Variants in SLC39A11 observed in about 807,000 individuals in gnomAD.
SLC39A11 encodes solute carrier family 39 member 11.
A neutral mutation model predicts 36.1 loss-of-function variants in SLC39A11; 33 were observed. The ratio of observed to expected loss-of-function variants is 0.91; its 90% confidence interval spans 0.69 to 1.22. SLC39A11 has a LOEUF of 1.22. Among genes scored for constraint, SLC39A11 ranks in the 50% most tolerant of loss-of-function variants. The pLI is 0.00. For synonymous variants in SLC39A11, 166 were observed against 170.3 expected (o/e 0.97, Z 0.20); for missense variants, 432 against 430.3 (o/e 1.00, Z -0.03).
intron 5 of SLC39A11, among the ~76,000 whole-genome samples, chr17:72,893,303 A>G (rs915224546): frequency 6.6e-6 from 1 of 152,162 alleles, no homozygotes; most frequent in Non-Finnish European, 1.5e-5. Context: ...TCTGCTAAAA[A>G]TACAAAAATT....
intron 7 of SLC39A11, among the ~76,000 whole-genome samples, chr17:72,649,576 C>T (rs759644807): frequency 6.6e-6 from 1 of 152,176 alleles, no homozygotes; most frequent in Non-Finnish European, 1.5e-5. Flanking sequence ...AGTTCTGCCA[C>T]GTGGCTGTAT....
chr17:73,056,076 C>G (rs950659830), intron 3 of SLC39A11, among the ~76,000 whole-genome samples: 2 of 152,162 alleles, frequency 1.3e-5, no homozygotes, highest in Non-Finnish European at 2.9e-5. Flanking sequence ...CCCTGGAGGG[C>G]ACAGGAGAGG....
chr17:72,891,059 G>A (rs2081714295), intron 5 of SLC39A11, among the ~76,000 whole-genome samples: 1 of 129,014 alleles, frequency 7.8e-6, no homozygotes, highest in Non-Finnish European at 1.6e-5. Context: ...AAGCTTTGTT[G>A]AAAACATAAG....
At chr17:72,820,478 A>G (rs533765599) in intron 6 of SLC39A11, among the ~76,000 whole-genome samples, 8 of 151,238 alleles carry the variant, frequency 5.3e-5, no homozygotes, top group African/African-American at 1.9e-4. Context: ...GAGCACCCTC[A>G]CAACCTCCCT....
intron 3 of SLC39A11, among the ~76,000 whole-genome samples, chr17:73,046,450 C>T (rs990718694): frequency 2.0e-4 from 31 of 151,962 alleles, no homozygotes; most frequent in Admixed American, 6.6e-4. Flanking sequence ...GGATGTCCTA[C>T]GAAAAAGCCC....
At chr17:72,986,606 T>C (rs777152012) in intron 4 of SLC39A11, among the ~76,000 whole-genome samples, 4 of 152,306 alleles carry the variant, frequency 2.6e-5, no homozygotes, top group African/African-American at 4.8e-5. Context: ...CCTTGACAGC[T>C]TGGGAGACAC....
chr17:72,937,293 A>C (rs1268070173), intron 5 of SLC39A11, among the ~76,000 whole-genome samples: 3 of 152,058 alleles, frequency 2.0e-5, no homozygotes, highest in African/African-American at 7.2e-5. Context: ...ATCTACTAAA[A>C]AAAGTACAAA....
chr17:72,909,891 GC>G (rs2082887413), intron 5 of SLC39A11, among the ~76,000 whole-genome samples: 1 of 150,830 alleles, frequency 6.6e-6, no homozygotes, highest in Non-Finnish European at 1.5e-5. Flanking sequence ...GACTCCAGGC[GC>G]CCGCCATTAC....
chr17:72,954,807 C>T (rs1471925624), intron 4 of SLC39A11, among the ~76,000 whole-genome samples: 1 of 152,158 alleles, frequency 6.6e-6, no homozygotes, highest in Non-Finnish European at 1.5e-5. Context: ...GGCTGGCTCC[C>T]GGTGATGAGC....
chr17:72,870,064 T>A (rs2080528786), intron 5 of SLC39A11, among the ~76,000 whole-genome samples: 1 of 152,124 alleles, frequency 6.6e-6, no homozygotes, highest in Admixed American at 6.5e-5. Context: ...CCTGTAGATT[T>A]TTCTACATCT....
intron 1 of SLC39A11, among the ~76,000 whole-genome samples, chr17:73,089,508 A>C (rs1482085114): frequency 6.6e-6 from 1 of 152,156 alleles, no homozygotes; most frequent in African/African-American, 2.4e-5. Context: ...ACATAATGCC[A>C]ACCTCACGAC....
chr17:72,674,419 A>G (rs1040289763), intron 7 of SLC39A11, among the ~76,000 whole-genome samples: 3 of 152,136 alleles, frequency 2.0e-5, no homozygotes, highest in Admixed American at 6.5e-5. Flanking sequence ...GTGTGGCTAC[A>G]CTATAGCTTA....
chr17:72,711,576 G>A lies in SLC39A11; in HGVS notation c.671+25074C>T, dbSNP rs541257350. 1.4e-4 allele frequency among the ~76,000 whole-genome samples: 21 copies of A among 152,292 alleles called. No homozygotes were observed. In the East Asian group the frequency reaches 4.0e-3, roughly 29 times the overall value. On this transcript the variant is annotated intron_variant, in intron 7 of 9. Transcript: ENST00000255559. ...TTATAAATTTGGATTCTGTTACAAA[G>A]AGCAAACCCATATTCTAAATACTAC...
chr17:72,753,584 T>C (rs892595204), intron 6 of SLC39A11, among the ~76,000 whole-genome samples: 1 of 152,198 alleles, frequency 6.6e-6, no homozygotes, highest in Non-Finnish European at 1.5e-5. Flanking sequence ...TTCTGTCTCC[T>C]GGGCTCCCTG....
intron 6 of SLC39A11, among the ~76,000 whole-genome samples, chr17:72,737,487 A>C (rs989550737): frequency 6.6e-6 from 1 of 152,124 alleles, no homozygotes; most frequent in Admixed American, 6.5e-5. Flanking sequence ...CCCTGGCCTA[A>C]ACACACAGGG....
At chr17:73,059,176 A>G (rs113791033) in intron 3 of SLC39A11, among the ~76,000 whole-genome samples, 1 of 152,246 alleles carries the variant, frequency 6.6e-6, no homozygotes, top group African/African-American at 2.4e-5. Flanking sequence ...TACAATATAG[A>G]GAAGCTGAAT....
chr17:72,962,260 CA>C (rs2086663825), intron 4 of SLC39A11, among the ~76,000 whole-genome samples: 2 of 152,160 alleles, frequency 1.3e-5, no homozygotes, highest in South Asian at 4.1e-4. Context: ...CCAGAGGCCT[CA>C]AACAACACTC....
intron 7 of SLC39A11, among the ~76,000 whole-genome samples, chr17:72,716,775 C>T (rs933772350): frequency 6.6e-6 from 1 of 151,942 alleles, no homozygotes; most frequent in African/African-American, 2.4e-5. Flanking sequence ...TTGAGACCAA[C>T]CTGGCCAACA....
chr17:73,003,813 C>G (rs552259280), intron 4 of SLC39A11, among the ~76,000 whole-genome samples: 1 of 152,090 alleles, frequency 6.6e-6, no homozygotes, highest in Non-Finnish European at 1.5e-5. Context: ...AGGCCAGGTA[C>G]GGTGGCTCAT....
Sources: allele counts gnomAD v4.1 joint callset (sites outside exome capture counted in the v4.1 genomes callset), GRCh38; gene constraint gnomAD v4.1.1; transcripts MANE v1.5; gene names NCBI Gene and HGNC (gene_info 2026-07-23, HGNC 2026-07-21).